The following ARHGEF40 variants were observed in gnomAD, a reference collection of about 807,000 sequenced individuals.
ARHGEF40 encodes Rho guanine nucleotide exchange factor 40.
In ARHGEF40, 98 loss-of-function variants were observed where a neutral mutation model predicts 165.9. The ratio of observed to expected loss-of-function variants is 0.59; its 90% CI spans 0.50 to 0.70. ARHGEF40 has a LOEUF of 0.70. ARHGEF40 is among the 30% of genes least tolerant of loss of function. The pLI is 0.00. For synonymous variants in ARHGEF40, 792 were observed against 814.3 expected, an observed-to-expected ratio of 0.97 and a Z score of 0.47; for missense variants, 1,815 against 1,968.0, an observed-to-expected ratio of 0.92 and a Z score of 1.47.
chr14:21,078,941 G>C lies in ARHGEF40; in HGVS notation c.2304G>C (p.Gln768His), dbSNP rs1205436130. Residue 768 changes from glutamine to histidine, a missense_variant, in exon 11 of 24, where the codon CAG (glutamine) becomes CAC (histidine). Gln to His is a conservative substitution (Grantham distance 24). Coordinates refer to ENST00000298694, the MANE Select transcript of ARHGEF40 (RefSeq NM_018071.5). The stretch of plus-strand genomic sequence containing the variant: ...AGGAAGTGGACGAGGCCATTCACCA[G>C]CTTGTGCGCCTCTCCAACCTGCACG... ...LYQEVDEAIH[Q>H]LVRLSNLHVQ... 68 of 1,614,114 alleles carry C rather than the reference G, an allele frequency of 4.2e-5. No homozygotes were observed. Among genetic ancestry groups the C allele is most frequent in the Non-Finnish European group, 5.2e-5 (61 of 1,180,022 alleles).
In ARHGEF40 at chr14:21,075,137, C is replaced by G. The variant is rs769226680; in HGVS notation, c.1407C>G (p.Ala469=). The change falls in exon 3 of 24, where the codon GCC becomes GCG. Residue 469 remains alanine (A), a synonymous_variant. Coordinates refer to ENST00000298694, the MANE Select transcript of ARHGEF40 (RefSeq NM_018071.5). The surrounding 1 kb of genome is among the most constrained non-coding windows in gnomAD (Gnocchi z 4.5). ...CCTGTGGGCCTACAGAAGAGGGGGCCGGAGAGAGAGAGCTGGAGGGGCCAG... is the reference window on the plus strand; with the variant it reads ...CCTGTGGGCCTACAGAAGAGGGGGCGGGAGAGAGAGAGCTGGAGGGGCCAG... ...SEACGPTEEG[A]GERELEGPGL... The G allele has an allele frequency of 1.2e-6, 2 of 1,611,300 alleles. No homozygotes were observed. Among genetic ancestry groups the G allele is most frequent in the East Asian group, 4.5e-5 (2 of 44,874 alleles).
upstream of ARHGEF40, among the ~76,000 whole-genome samples, chr14:21,068,160 C>G (rs569307841): frequency 1.0e-4 from 5 of 49,254 alleles, 2 homozygotes; most frequent in Non-Finnish European, 3.0e-4. Flanking sequence ...CTACCACGCC[C>G]GGCTAATTTT....
At position 21,085,790 on chromosome 14, in the gene ARHGEF40, A is replaced by T; in HGVS notation, c.4062A>T (p.Ala1354=). 6.2e-7 allele frequency: 1 copy of T among 1,614,192 alleles called. No homozygotes were observed. Among genetic ancestry groups the T allele is most frequent in the Non-Finnish European group, 8.5e-7 (1 of 1,180,044 alleles). Residue 1354 remains alanine, a synonymous_variant, in exon 19 of 24, where the codon GCA becomes GCT. Coordinates refer to ENST00000298694, the MANE Select transcript of ARHGEF40 (RefSeq NM_018071.5). ...RRAREAYTLQ[A]TSPEIKLKWT... ...CACGAGAGGCATACACTCTGCAGGC[A>T]ACCTCACCAGAGATCAAACTCAAGT...
At position 21,075,223 on chromosome 14, in the gene ARHGEF40, C is replaced by G; in HGVS notation, c.1450+43C>G. The G allele has an allele frequency of 1.3e-6, 2 of 1,582,608 alleles. No individual in the cohort carries two copies. Among genetic ancestry groups the G allele is most frequent in the Non-Finnish European group, 1.7e-6 (2 of 1,165,216 alleles). On this transcript the variant is annotated intron_variant, in intron 3 of 23. Transcript: ENST00000298694. This position sits in a 1 kb window ranked among gnomAD's most constrained non-coding sequence, Gnocchi z 4.5. ...GAGGCTCATGGGGCAAGGGCCAAAG[C>G]AGGTCGGGCCTATGGGAGGGGGCAG...
Position 21,081,827 on chromosome 14 carries a change from C to T in ARHGEF40, c.2959C>T (p.Pro987Ser), listed in dbSNP as rs775285743. The T allele has an allele frequency of 6.2e-7, 1 of 1,608,280 alleles. No homozygotes were observed. The highest frequency in any genetic ancestry group is 1.7e-4 in the Middle Eastern group (1 of 5,716). The change falls in exon 14 of 24, where the codon CCC becomes TCC. Residue 987 changes from proline to serine, a missense_variant. Physicochemically the swap from Pro to Ser is moderately conservative, Grantham distance 74 (BLOSUM62 -1). Transcript: ENST00000298694. The stretch of plus-strand genomic sequence containing the variant: ...CCAGTGGGGGCCCCGCAGCCCCTCG[C>T]CCAGCCTCAGCTCCTTGCTGCTCCC... ...GAQWGPRSPS[P>S]SLSSLLLPSS...
In ARHGEF40 at chr14:21,078,836, A is replaced by T. The variant is rs1887643259; in HGVS notation, c.2247-48A>T. On this transcript the variant is annotated intron_variant, in intron 10 of 23. Transcript: ENST00000298694. ...TCAGAGGCACGGAAGGACAGAATTG[A>T]GGGGCTCAACAAGGGAAATGATTCA... The T allele has an allele frequency of 1.9e-6, 3 of 1,593,378 alleles. No homozygotes were observed. In the African/African-American group the frequency reaches 4.0e-5, roughly 21 times the overall value.
rs756676717 is a variant in ARHGEF40, at chr14:21,087,312, C to T, written c.4244-8C>T. On this transcript the variant is annotated splice_region_variant and splice_polypyrimidine_tract_variant and intron_variant, in intron 20 of 23. Transcript: ENST00000298694. ...AGCACCCCACCCCCCACTCCCCACT[C>T]TCTGCAGCCGCCCGCACCCGGGCCT... 4 of 1,604,626 alleles carry T rather than the reference C, an allele frequency of 2.5e-6. No individual in the cohort carries two copies. The highest frequency in any genetic ancestry group is 1.7e-5 in the Admixed American group (1 of 59,934).
chr14:21,081,466 C>A, intron 13 of ARHGEF40, 43 bp from the exon 14 acceptor site: 1 of 1,605,706 alleles, frequency 6.2e-7, no homozygotes, highest in South Asian at 1.1e-5. Context: ...CAACACAGGC[C>A]CTTACCCTTT....
At chr14:21,063,727 TAATA>T in the ARHGEF40 span, among the ~76,000 whole-genome samples, 1 of 152,180 alleles carries the variant, frequency 6.6e-6, no homozygotes, top group East Asian at 1.9e-4. Flanking sequence ...GGTTATGTCT[TAATA>T]AATGTTCATT....
chr14:21,088,728 GA>G, intron 22 of ARHGEF40, 101 bp from the exon 23 acceptor site: 1 of 1,252,014 alleles, frequency 8.0e-7, no homozygotes, highest in Non-Finnish European at 1.1e-6. Context: ...TTTTGGGTAG[GA>G]AAGAGAGGTG....
At chr14:21,085,631 G>A (rs753782297) in intron 18 of ARHGEF40, 58 bp from the exon 19 acceptor site, 43 of 1,568,756 alleles carry the variant, frequency 2.7e-5, no homozygotes, top group Non-Finnish European at 3.3e-5. Flanking sequence ...CTTGCCATGT[G>A]GCGCCACCCA....
chr14:21,074,675 C>G lies in ARHGEF40; in HGVS notation c.945C>G (p.Ser315=). 1 of 1,574,480 alleles carries G rather than the reference C, an allele frequency of 6.4e-7. No homozygotes were observed. Among genetic ancestry groups the G allele is most frequent in the South Asian group, 1.2e-5 (1 of 86,844 alleles). Residue 315 remains serine (S), a synonymous_variant, in exon 3 of 24, where the codon TCC becomes TCG. Transcript: ENST00000298694. This position sits in a 1 kb window ranked among gnomAD's most constrained non-coding sequence, Gnocchi z 4.8. Reference sequence around the variant, plus strand: ...GCGAGGGGAGCAGCACCGGAGCCTCCCCTGAGTCTCCCCCAGGAGCTGAGG... The same window carrying G: ...GCGAGGGGAGCAGCACCGGAGCCTCGCCTGAGTCTCCCCCAGGAGCTGAGG... ...PPGEGSSTGA[S]PESPPGAEAV...
At chr14:21,080,540 T>C (rs1408892526) in intron 11 of ARHGEF40, 120 bp from the exon 12 acceptor site, 2 of 1,120,978 alleles carry the variant, frequency 1.8e-6, no homozygotes, top group Non-Finnish European at 2.5e-6. Context: ...ACATTGCAGA[T>C]GAGATGCAAT....
rs1186789596 is a variant in ARHGEF40, at chr14:21,074,939, G to A, written c.1209G>A (p.Gly403=). Residue 403 remains glycine (G), a synonymous_variant, in exon 3 of 24, where the codon GGG becomes GGA. Coordinates refer to ENST00000298694, the MANE Select transcript of ARHGEF40 (RefSeq NM_018071.5). This position sits in a 1 kb window ranked among gnomAD's most constrained non-coding sequence, Gnocchi z 4.8. ...RGGDSAPLSP[G]DKEDASHQEA... Reference sequence around the variant, plus strand: ...GGGACAGTGCCCCACTGAGCCCTGGGGACAAGGAAGATGCCAGCCACCAAG... The same window carrying A: ...GGGACAGTGCCCCACTGAGCCCTGGAGACAAGGAAGATGCCAGCCACCAAG... 6 of 1,607,616 alleles carry A rather than the reference G, an allele frequency of 3.7e-6. No homozygotes were observed. The highest frequency in any genetic ancestry group is 1.3e-5 in the African/African-American group (1 of 74,398).
chr14:21,082,282 A>G lies in ARHGEF40; in HGVS notation c.3290A>G (p.Glu1097Gly). The change falls in exon 15 of 24, where the codon GAA becomes GGA. Residue 1097 changes from glutamate (E) to glycine (G), a missense_variant. Physicochemically the swap from Glu to Gly is moderately conservative, Grantham distance 98. Transcript: ENST00000298694. ...QRLVSELIACEQDYVATLSEP... is the reference protein window; with the variant it reads ...QRLVSELIACGQDYVATLSEP... The stretch of plus-strand genomic sequence containing the variant: ...CTGGTGTCTGAGCTGATTGCCTGTG[A>G]ACAAGATTACGTGGCCACCTTGAGT... 1 of 1,612,862 alleles carries G rather than the reference A, an allele frequency of 6.2e-7. No individual in the cohort carries two copies. The highest frequency in any genetic ancestry group is 8.5e-7 in the Non-Finnish European group (1 of 1,179,298).
chr14:21,073,202 C>G lies in ARHGEF40; in HGVS notation c.161C>G (p.Pro54Arg). 2 of 1,613,724 alleles carry G rather than the reference C, an allele frequency of 1.2e-6. No individual in the cohort carries two copies. The highest frequency in any genetic ancestry group is 2.7e-5 in the African/African-American group (2 of 75,010). ...ALRYTLDFLV[P>R]AKHLLAKVQQ... Reference sequence around the variant, plus strand: ...AGGTACACGCTGGACTTCCTGGTACCAGCCAAGCACCTGCTTGCCAAGGTC... The same window carrying G: ...AGGTACACGCTGGACTTCCTGGTACGAGCCAAGCACCTGCTTGCCAAGGTC... The change falls in exon 2 of 24, where the codon CCA (proline) becomes CGA (arginine). Residue 54 changes from proline to arginine, a missense_variant. Physicochemically the swap from Pro to Arg is moderately radical, Grantham distance 103. Transcript: ENST00000298694. This position sits in a 1 kb window ranked among gnomAD's most constrained non-coding sequence, Gnocchi z 4.6.
At chr14:21,078,762 C>A in intron 10 of ARHGEF40, 122 bp from the exon 11 acceptor site, 2 of 1,400,942 alleles carry the variant, frequency 1.4e-6, no homozygotes, top group Non-Finnish European at 9.7e-7. Context: ...CAGGGTTCAG[C>A]CCATGCTTTT....
intron 15 of ARHGEF40, 52 bp downstream of exon 15, chr14:21,082,530 C>G (rs1697563006): frequency 4.0e-6 from 6 of 1,498,600 alleles, no homozygotes; most frequent in Non-Finnish European, 5.4e-6. Flanking sequence ...CTGTTCCAGC[C>G]TCATCCATCT....
At chr14:21,061,780 A>T in the ARHGEF40 span, among the ~76,000 whole-genome samples, 1 of 152,220 alleles carries the variant, frequency 6.6e-6, no homozygotes, top group African/African-American at 2.4e-5. Context: ...TGTCATTCTA[A>T]TTTAAAATGC....
Sources: gnomAD v4.1 joint callset for allele counts (sites outside exome capture counted in the v4.1 genomes callset) on GRCh38, gnomAD v4.1.1 for gene constraint, Gnocchi (gnomAD v3.1) non-coding constraint, MANE v1.5 for transcripts, NCBI Gene and HGNC (gene_info 2026-07-23, HGNC 2026-07-21) for gene names.